Variants in MAPK15 observed in about 807,000 individuals in gnomAD.
MAPK15 encodes mitogen-activated protein kinase 15.
A neutral mutation model predicts 60.8 loss-of-function variants in MAPK15; 61 were observed. The observed-to-expected ratio is 1.00, with a 90% CI of 0.82 to 1.24. The LOEUF (loss-of-function observed/expected upper bound fraction) is 1.24. Ranked by LOEUF, MAPK15 falls within the 50% of genes most tolerant of loss-of-function variation. The pLI is 0.00. For missense variants in MAPK15, 808 were observed against 741.1 expected, an observed-to-expected ratio of 1.09 and a Z score of -1.05; for synonymous variants, 356 against 319.9, an observed-to-expected ratio of 1.11 and a Z score of -1.21.
intron 2 of MAPK15, 114 bp downstream of exon 2, chr8:143,717,906 G>T: frequency 6.7e-7 from 1 of 1,493,644 alleles, no homozygotes; most frequent in South Asian, 1.1e-5. Context: ...AGATGTTCTG[G>T]CCTGTCTCGG....
chr8:143,721,726 T>C, intron 12 of MAPK15, 26 bp from the exon 13 acceptor site: 1 of 1,613,420 alleles, frequency 6.2e-7, no homozygotes, highest in Non-Finnish European at 8.5e-7. Context: ...CACCTTTCAG[T>C]GACCCTGTGA....
At position 143,716,362 on chromosome 8, in the gene MAPK15, G is replaced by C; in HGVS notation, c.-16G>C. 2 of 1,589,046 alleles carry C rather than the reference G, an allele frequency of 1.3e-6. No homozygotes were observed. Among genetic ancestry groups the C allele is most frequent in the Non-Finnish European group, 1.7e-6 (2 of 1,170,880 alleles). Reference sequence around the variant, plus strand: ...AACCGACTCAACAGTAAGGCCCCGCGGGCGTCCTGGCCGCCATGTGCACCG... The same window carrying C: ...AACCGACTCAACAGTAAGGCCCCGCCGGCGTCCTGGCCGCCATGTGCACCG... On this transcript the variant is annotated 5_prime_UTR_variant, in exon 1 of 14. Transcript: ENST00000338033.
chr8:143,719,415 C>G lies in MAPK15; in HGVS notation c.654C>G (p.Phe218Leu), dbSNP rs782627103. ...AGATGCTGCGGGGGAGACCCCTGTTCCCCGGCACGTCCACCCTCCACCAGC... is the reference window on the plus strand; with the variant it reads ...AGATGCTGCGGGGGAGACCCCTGTTGCCCGGCACGTCCACCCTCCACCAGC... Reference protein sequence around the residue: ...LGEMLRGRPLFPGTSTLHQLE... With the variant: ...LGEMLRGRPLLPGTSTLHQLE... Residue 218 changes from phenylalanine to leucine, a missense_variant, in exon 7 of 14, where the codon TTC becomes TTG. Transcript: ENST00000338033. 1 of 1,611,146 alleles carries G rather than the reference C, an allele frequency of 6.2e-7. No individual in the cohort carries two copies. Among genetic ancestry groups the G allele is most frequent in the Non-Finnish European group, 8.5e-7 (1 of 1,178,912 alleles).
At chr8:143,716,966 C>T (rs1453038455) in intron 1 of MAPK15, among the ~76,000 whole-genome samples, 2 of 151,194 alleles carry the variant, frequency 1.3e-5, no homozygotes, top group African/African-American at 4.9e-5. Context: ...TCGAGGGTGC[C>T]ATGGGGGAGG....
chr8:143,718,187 C>T (rs567179436), intron 3 of MAPK15, 25 bp from the exon 4 acceptor site: 12 of 1,613,622 alleles, frequency 7.4e-6, no homozygotes, highest in South Asian at 4.4e-5. Context: ...CCTGGCCTTC[C>T]AGCCGCCTCC....
rs1817838431 is a variant in MAPK15 at position 143,717,006 on chromosome 8, G to A, written c.66+563G>A. Among the ~76,000 whole-genome samples, 2 of 152,168 alleles carry A rather than the reference G, an allele frequency of 1.3e-5. 1 individual carries two copies. Among genetic ancestry groups the A allele is most frequent in the South Asian group, 4.1e-4 (2 of 4,834 alleles). The stretch of plus-strand genomic sequence containing the variant: ...GAAGAGCCTTCCAGGCAGTGCAGAC[G>A]GTAAGTGCGTAGGCCCAGTGCAGGG... On this transcript the variant is annotated intron_variant, in intron 1 of 13. Transcript: ENST00000338033.
chr8:143,717,758 T>C lies in MAPK15; in HGVS notation c.131T>C (p.Ile44Thr), dbSNP rs1554618659. Residue 44 changes from isoleucine (I) to threonine (T), a missense_variant, in exon 2 of 14, where the codon ATC becomes ACC. Ile to Thr is a moderately conservative substitution (Grantham distance 89). Transcript: ENST00000338033. ...RTGEVVAIKK[I>T]FDAFRDKTDA... ...GGTGAGGTCGTGGCCATCAAGAAAA[T>C]CTTTGATGCTTTTAGGGATAAGACA... 2 of 1,612,066 alleles carry C rather than the reference T, an allele frequency of 1.2e-6. No homozygotes were observed. Among genetic ancestry groups the C allele is most frequent in the African/African-American group, 1.3e-5 (1 of 74,812 alleles).
chr8:143,719,618 G>A (rs908714247), intron 7 of MAPK15, 136 bp downstream of exon 7: 13 of 1,234,738 alleles, frequency 1.1e-5, no homozygotes, highest in Admixed American at 3.1e-5. Context: ...GGATGGGGCA[G>A]GAGCCCCAGG....
At position 143,719,092 on chromosome 8, in the gene MAPK15, G is replaced by A. The variant is rs1242926386; in HGVS notation, c.517G>A (p.Ala173Thr). Residue 173 changes from alanine to threonine, a missense_variant, in exon 6 of 14, where the codon GCC (alanine) becomes ACC (threonine). Transcript: ENST00000338033. ...GDLPEGPEDQ[A>T]VTEYVATRWY... ...CCTCCCCGAGGGGCCTGAGGACCAG[G>A]CCGTGACAGAGTACGTGGCCACACG... 2 of 1,568,612 alleles carry A rather than the reference G, an allele frequency of 1.3e-6. No homozygotes were observed. Among genetic ancestry groups the A allele is most frequent in the Admixed American group, 1.9e-5 (1 of 53,114 alleles).
chr8:143,716,474 A>G, intron 1 of MAPK15, 31 bp downstream of exon 1: 1 of 1,584,248 alleles, frequency 6.3e-7, no homozygotes, highest in Non-Finnish European at 8.6e-7. Context: ...CCGCGCGCCG[A>G]GGGGCGCGGC....
At position 143,721,243 on chromosome 8, in the gene MAPK15, T is replaced by G. The variant is rs781818035; in HGVS notation, c.1036T>G (p.Cys346Gly). The change falls in exon 11 of 14, where the codon TGT becomes GGT. Residue 346 changes from cysteine to glycine, a missense_variant. Physicochemically the swap from Cys to Gly is radical, Grantham distance 159. Transcript: ENST00000338033. ...RSRVYQMILECGGSSGTSREK... is the reference protein window; with the variant it reads ...RSRVYQMILEGGGSSGTSREK... ...TCCCCTCCCGCAGATGATCCTGGAG[T>G]GTGGAGGCAGCAGCGGCACCTCGAG... 6.2e-7 allele frequency: 1 copy of G among 1,609,106 alleles called. No homozygotes were observed.
Position 143,719,501 on chromosome 8 carries a change from G to C in MAPK15, c.721+19G>C. On this transcript the variant is annotated intron_variant, in intron 7 of 13. Transcript: ENST00000338033. ...GAGGAGGGTGAGCCAGGCTGCTGGG[G>C]CTGGGCACCGGGAATGCTGCAGGTC... The C allele has an allele frequency of 6.2e-7, 1 of 1,604,876 alleles. No homozygotes were observed. Among genetic ancestry groups the C allele is most frequent in the Non-Finnish European group, 8.5e-7 (1 of 1,177,330 alleles).
At chr8:143,718,715 T>TGG in intron 4 of MAPK15, 60 bp from the exon 5 acceptor site, 1 of 486,654 alleles carries the variant, frequency 2.1e-6, no homozygotes, top group Non-Finnish European at 3.5e-6. Context: ...CCTCTCCCAC[T>TGG]CCCCCCAGGT....
At position 143,720,118 on chromosome 8, in the gene MAPK15, C is replaced by T. The variant is rs1322310878; in HGVS notation, c.722-112C>T. On this transcript the variant is annotated intron_variant, in intron 7 of 13. Transcript: ENST00000338033. This position sits in a 1 kb window ranked among gnomAD's most constrained non-coding sequence, Gnocchi z 4.6. Reference sequence around the variant, plus strand: ...TTGAGCCCCGCCAGACAGCAGAAACCCTGTAGAGAGGCTGTGCTCCCTGGG... The same window carrying T: ...TTGAGCCCCGCCAGACAGCAGAAACTCTGTAGAGAGGCTGTGCTCCCTGGG... 2.3e-5 allele frequency: 34 copies of T among 1,469,152 alleles called. No individual in the cohort carries two copies. The highest frequency in any genetic ancestry group is 3.0e-5 in the Non-Finnish European group (33 of 1,091,504). The allele number at this position is 1,469,152 out of a possible 1,614,324, so 91.0% of individuals were successfully genotyped here.
intron 3 of MAPK15, 22 bp downstream of exon 3, chr8:143,718,098 G>A: frequency 6.2e-7 from 1 of 1,614,060 alleles, no homozygotes; most frequent in Non-Finnish European, 8.5e-7. Context: ...GGGCCCTCCA[G>A]TCCAATCCCC....
chr8:143,721,122 C>A lies in MAPK15; in HGVS notation c.1023+17C>A. ...GTCTATCAGGTGCTCCGGCTCTCGA[C>A]CCCTATCATCCCCTGTCTACTGCAC... is the stretch of plus-strand genomic sequence containing the variant. On this transcript the variant is annotated intron_variant, in intron 10 of 13. Coordinates refer to ENST00000338033, the MANE Select transcript of MAPK15 (RefSeq NM_139021.3). 1 of 1,605,700 alleles carries A rather than the reference C, an allele frequency of 6.2e-7. No individual in the cohort carries two copies. The highest frequency in any genetic ancestry group is 8.5e-7 in the Non-Finnish European group (1 of 1,175,536).
chr8:143,719,803 C>A (rs982999039), intron 7 of MAPK15, among the ~76,000 whole-genome samples: 1 of 152,050 alleles, frequency 6.6e-6, no homozygotes, highest in Non-Finnish European at 1.5e-5. Flanking sequence ...GTGCCGGGAG[C>A]TGGGGTGTGC....
rs781933381 is a variant in MAPK15 at position 143,720,805 on chromosome 8, C to T, written c.882C>T (p.Ser294=). Residue 294 remains serine, a synonymous_variant, in exon 9 of 14, where the codon AGC becomes AGT. Coordinates refer to ENST00000338033, the MANE Select transcript of MAPK15 (RefSeq NM_139021.3). The surrounding 1 kb of genome is among the most constrained non-coding windows in gnomAD (Gnocchi z 4.6). ...TGTTCGCCCCGGACAAGCGGTTAAG[C>T]GCGACCCAGGCACTGCAGCACCCCT... ...LLVFAPDKRL[S]ATQALQHPYV... is the part of the protein sequence containing the mutation. 10 of 1,613,340 alleles carry T rather than the reference C, an allele frequency of 6.2e-6. No individual in the cohort carries two copies. Among genetic ancestry groups the T allele is most frequent in the Admixed American group, 1.7e-5 (1 of 59,974 alleles).
At chr8:143,718,746 C>CCCCCCCCCCA in intron 4 of MAPK15, 29 bp from the exon 5 acceptor site, 3 of 1,492,532 alleles carry the variant, frequency 2.0e-6, no homozygotes, top group Admixed American at 2.3e-5. Context: ...GCCCCCCACC[C>CCCCCCCCCCA]CCGACTGCAG....
Sources: gnomAD v4.1 joint callset for allele counts (sites outside exome capture counted in the v4.1 genomes callset) on GRCh38, gnomAD v4.1.1 for gene constraint, Gnocchi (gnomAD v3.1) non-coding constraint, MANE v1.5 for transcripts, NCBI Gene and HGNC (gene_info 2026-07-23, HGNC 2026-07-21) for gene names.